SCFD1: variants seen among roughly 807,000 people sequenced by gnomAD.
The protein encoded by SCFD1 is sec1 family domain containing 1.
SCFD1 carries 37 observed loss-of-function variants against 103.2 expected under a neutral mutation model. The observed-to-expected ratio is 0.36, with a 90% CI of 0.28 to 0.47. The LOEUF (loss-of-function observed/expected upper bound fraction) is 0.47, where lower values mean the gene tolerates loss of function less well. Ranked by LOEUF, SCFD1 falls within the 20% of genes least tolerant of loss-of-function variation. The pLI, the probability that SCFD1 is intolerant of heterozygous loss-of-function variation, is 1.00. For synonymous variants in SCFD1, 264 were observed against 245.0 expected (o/e 1.08, Z -0.73); for missense variants, 639 against 761.2 (o/e 0.84, Z 1.89).
chr14:30,669,996 T>G, intron 10 of SCFD1: 1 of 313,804 alleles, frequency 3.2e-6, no homozygotes, highest in Non-Finnish European at 5.8e-6. Flanking sequence ...TGCTATTATA[T>G]GCATCAATGT....
At chr14:30,696,721 A>T (rs940192068) in intron 15 of SCFD1, among the ~76,000 whole-genome samples, 4 of 152,194 alleles carry the variant, frequency 2.6e-5, no homozygotes, top group Non-Finnish European at 5.9e-5. Flanking sequence ...CCTGCACAGG[A>T]ACAAACCAGC....
intron 9 of SCFD1, among the ~76,000 whole-genome samples, chr14:30,651,735 A>C (rs1339340630): frequency 6.6e-6 from 1 of 152,116 alleles, no homozygotes; most frequent in Non-Finnish European, 1.5e-5. Context: ...TTGTTTCTCA[A>C]CTTGTTGGAT....
intron 23 of SCFD1, among the ~76,000 whole-genome samples, chr14:30,729,037 G>A (rs1047260060): frequency 6.6e-6 from 1 of 151,956 alleles, no homozygotes; most frequent in Admixed American, 6.6e-5. Context: ...TGGGATTACA[G>A]GCTTGAACCA....
chr14:30,724,162 G>A (rs922216218), intron 23 of SCFD1, among the ~76,000 whole-genome samples: 5 of 138,274 alleles, frequency 3.6e-5, no homozygotes, highest in African/African-American at 1.4e-4. Context: ...GATCAGTGAT[G>A]TTGAGCTTTT....
At chr14:30,629,564 C>G (rs926190236) in intron 2 of SCFD1, among the ~76,000 whole-genome samples, 1 of 146,034 alleles carries the variant, frequency 6.8e-6, no homozygotes, top group African/African-American at 2.6e-5. Flanking sequence ...ATCAAATACT[C>G]TTTAGGGACT....
At chr14:30,678,212 A>C (rs11624441) in intron 14 of SCFD1, among the ~76,000 whole-genome samples, 9,734 of 152,158 alleles carry the variant, frequency 0.064, 442 homozygotes, top group African/African-American at 0.12. Flanking sequence ...TGACTGTATT[A>C]GTTTTACATA....
intron 14 of SCFD1, among the ~76,000 whole-genome samples, chr14:30,682,246 T>G (rs1408322344): frequency 6.6e-6 from 1 of 152,232 alleles, no homozygotes; most frequent in Non-Finnish European, 1.5e-5. Flanking sequence ...ACCTTGATAG[T>G]ATACTGTCCC....
chr14:30,622,492 G>C, intron 1 of SCFD1, 93 bp downstream of exon 1: 1 of 1,500,858 alleles, frequency 6.7e-7, no homozygotes, highest in Non-Finnish European at 8.9e-7. Context: ...CGATCTCCAG[G>C]AGTTTAATCC....
At chr14:30,651,567 C>T (rs1594611668) in intron 9 of SCFD1, among the ~76,000 whole-genome samples, 1 of 145,770 alleles carries the variant, frequency 6.9e-6, no homozygotes, top group Non-Finnish European at 1.5e-5. Context: ...CTCACCTGAT[C>T]TTTTTTTTTT....
intron 22 of SCFD1, 67 bp from the exon 23 acceptor site, chr14:30,722,423 TAACC>T: frequency 8.7e-7 from 1 of 1,144,218 alleles, no homozygotes. Flanking sequence ...TAGCATTTTT[TAACC>T]TTAATTTTAG....
At chr14:30,668,530 A>G (rs867684373) in intron 10 of SCFD1, among the ~76,000 whole-genome samples, 23 of 152,308 alleles carry the variant, frequency 1.5e-4, no homozygotes, top group Middle Eastern at 6.8e-3. Context: ...AATGGCAACA[A>G]AAGCCAAAAT....
chr14:30,720,105 C>T (rs1438914727), intron 21 of SCFD1, among the ~76,000 whole-genome samples: 3 of 152,084 alleles, frequency 2.0e-5, no homozygotes, highest in Admixed American at 1.3e-4. Context: ...CCCAAGCTTT[C>T]GTATCTTTGT....
At position 30,643,304 on chromosome 14, in the gene SCFD1, A is replaced by T. The variant is rs751635988; in HGVS notation, c.524-12A>T. On this transcript the variant is annotated splice_polypyrimidine_tract_variant and intron_variant, in intron 6 of 24. Coordinates refer to ENST00000458591, the MANE Select transcript of SCFD1 (RefSeq NM_016106.4). Reference sequence around the variant, plus strand: ...TGGGTCAACTTTTTCTCCTTTTCCTATGTCATTTTAGCCATTAACAGGCCA... The same window carrying T: ...TGGGTCAACTTTTTCTCCTTTTCCTTTGTCATTTTAGCCATTAACAGGCCA... 6.4e-7 allele frequency: 1 copy of T among 1,572,958 alleles called. No individual in the cohort carries two copies. Among genetic ancestry groups the T allele is most frequent in the Admixed American group, 1.7e-5 (1 of 59,894 alleles).
At chr14:30,702,259 TA>T (rs1891130569) in intron 16 of SCFD1, 36 bp from the exon 17 acceptor site, 1 of 1,339,816 alleles carries the variant, frequency 7.5e-7, no homozygotes, top group Non-Finnish European at 1.0e-6. Flanking sequence ...TTCTTGAAAG[TA>T]AAATTTTTTG....
At chr14:30,651,817 A>G (rs925254564) in intron 9 of SCFD1, among the ~76,000 whole-genome samples, 5 of 152,184 alleles carry the variant, frequency 3.3e-5, no homozygotes, top group African/African-American at 9.7e-5. Context: ...GAATCCAACC[A>G]TAGGCTGGTG....
intron 10 of SCFD1, among the ~76,000 whole-genome samples, chr14:30,654,333 TATATA>T (rs1886690868): frequency 6.6e-6 from 1 of 152,228 alleles, no homozygotes; most frequent in Admixed American, 6.5e-5. Context: ...GGGATTACAC[TATATA>T]ATCATATCAT....
At position 30,735,614 on chromosome 14, in the gene SCFD1, G is replaced by A. The variant is rs1893792055; in HGVS notation, c.*5G>A. 3 of 1,588,948 alleles carry A rather than the reference G, an allele frequency of 1.9e-6. No homozygotes were observed. Among genetic ancestry groups the A allele is most frequent in the Admixed American group, 1.7e-5 (1 of 57,862 alleles). ...TCACAACTTGGACAAAAGTAACACA[G>A]AAGAACCTTACTATGATAATCTACT... On this transcript the variant is annotated 3_prime_UTR_variant, in exon 25 of 25. Transcript: ENST00000458591.
Position 30,653,507 on chromosome 14 carries a change from A to T in SCFD1, c.774A>T (p.Leu258Phe), listed in dbSNP as rs771211801. 5.0e-6 allele frequency: 8 copies of T among 1,612,666 alleles called. No homozygotes were observed. The highest frequency in any genetic ancestry group is 6.8e-6 in the Non-Finnish European group (8 of 1,178,808). ...AGQFSFQRPL[L>F]VLVDRNIDLA... is the part of the protein sequence containing the mutation. The stretch of plus-strand genomic sequence containing the variant: ...TTTACAGCTTCCAGAGGCCCTTATT[A>T]GTCCTTGTTGACAGAAACATAGATT... The change falls in exon 10 of 25, where the codon TTA becomes TTT. Residue 258 changes from leucine (L) to phenylalanine (F), a missense_variant. By Grantham distance (22) the Leu-to-Phe change is conservative. Transcript: ENST00000458591.
intron 19 of SCFD1, among the ~76,000 whole-genome samples, chr14:30,713,225 T>C (rs897337443): frequency 6.6e-6 from 1 of 152,230 alleles, no homozygotes; most frequent in African/African-American, 2.4e-5. Flanking sequence ...TTTCCTACGT[T>C]TTAAAGACAT....
Sources: gnomAD v4.1 joint callset for allele counts (sites outside exome capture counted in the v4.1 genomes callset) on GRCh38, gnomAD v4.1.1 for gene constraint, MANE v1.5 for transcripts, NCBI Gene and HGNC (gene_info 2026-07-23, HGNC 2026-07-21) for gene names.